The following PFKM variants were observed in gnomAD, a reference collection of about 807,000 sequenced individuals.
The protein encoded by PFKM is ATP-dependent 6-phosphofructokinase, muscle type.
A neutral mutation model predicts 95.5 loss-of-function variants in PFKM; 58 were observed. That is an observed-to-expected ratio of 0.61 (90% CI 0.49 to 0.76). PFKM has a LOEUF of 0.76. Among genes scored for constraint, PFKM ranks in the 30% least tolerant of loss-of-function variants. The pLI is 0.00. For missense variants in PFKM, 678 were observed against 1,005.4 expected (o/e 0.67, Z 4.40); for synonymous variants, 336 against 357.2 (o/e 0.94, Z 0.67).
intron 2 of PFKM, among the ~76,000 whole-genome samples, chr12:48,128,157 G>C (rs1455457890): frequency 1.3e-5 from 2 of 152,148 alleles, no homozygotes; most frequent in Non-Finnish European, 2.9e-5. Context: ...AAAGGAAATT[G>C]TCCTTTAGGT....
In PFKM at chr12:48,119,403, A is replaced by G; in HGVS notation, c.-12A>G. Reference sequence around the variant, plus strand: ...CAGCGGCGGAGGAGAGCTAAGACTAAAAGGCAAGAGGGGCCATTGAGTGAA... The same window carrying G: ...CAGCGGCGGAGGAGAGCTAAGACTAGAAGGCAAGAGGGGCCATTGAGTGAA... On this transcript the variant is annotated 5_prime_UTR_variant, in exon 1 of 23. Transcript: ENST00000359794. 5.1e-6 allele frequency: 5 copies of G among 986,012 alleles called. No homozygotes were observed. The highest frequency in any genetic ancestry group is 6.0e-6 in the Non-Finnish European group (5 of 830,274). The allele number at this position is 986,012 out of a possible 1,614,324, so 61.1% of individuals were successfully genotyped here.
chr12:48,114,093 C>A (rs574557314), intron 3 of PFKM, among the ~76,000 whole-genome samples: 1 of 152,118 alleles, frequency 6.6e-6, no homozygotes, highest in African/African-American at 2.4e-5. Flanking sequence ...CATTGGGGAT[C>A]GCCTCAGGGA....
In PFKM at chr12:48,144,161, G is replaced by T. The variant is rs1162704590; in HGVS notation, c.1992+4G>T. 2 of 1,582,460 alleles carry T rather than the reference G, an allele frequency of 1.3e-6. No individual in the cohort carries two copies. The highest frequency in any genetic ancestry group is 1.7e-5 in the Admixed American group (1 of 60,000). The stretch of plus-strand genomic sequence containing the variant: ...TGTGCTTGGTCACATGCAGCAGGTA[G>T]GGAAGACACCGTAGTCATGCCCTTC... On this transcript the variant is annotated splice_donor_region_variant and intron_variant, in intron 20 of 22. Transcript: ENST00000359794.
Position 48,132,913 on chromosome 12 carries a change from C to T in PFKM, c.283C>T (p.Arg95Ter), listed in dbSNP as rs121918195. 10 of 1,614,076 alleles carry T rather than the reference C, an allele frequency of 6.2e-6. No homozygotes were observed. Among genetic ancestry groups the T allele is most frequent in the East Asian group, 4.5e-5 (2 of 44,864 alleles). Residue 95 changes from arginine (R) to a stop codon, truncating the protein, a stop_gained, in exon 5 of 23, where the codon CGA becomes TGA. Transcript: ENST00000359794. LOFTEE classifies it high-confidence loss of function. The part of the protein sequence containing the change: ...GSARCKDFRE[R>*]EGRLRAAYNL... ...TGCCCGGTGCAAGGACTTTCGGGAA[C>T]GAGAAGGACGACTCCGAGCTGCCTA...
rs1951002797 is a variant in PFKM, at chr12:48,145,820, CTG to C, written c.*114_*115del. ...TTTTTTCATTAGGTTTCCTTTTATT[CTG>C]TACCTTGCAGCCATGACCAGTTCTG... On this transcript the variant is annotated 3_prime_UTR_variant, in exon 23 of 23. Coordinates refer to ENST00000359794, the MANE Select transcript of PFKM (RefSeq NM_000289.6). The surrounding 1 kb of genome is among the most constrained non-coding windows in gnomAD (Gnocchi z 4.3). 8.1e-7 allele frequency: 1 copy of C among 1,235,678 alleles called. No individual in the cohort carries two copies. The highest frequency in any genetic ancestry group is 1.5e-5 in the African/African-American group (1 of 68,064). 76.5% of individuals were successfully genotyped at this position (1,235,678 alleles called of 1,614,324 possible).
chr12:48,139,499 T>G, intron 12 of PFKM, 150 bp downstream of exon 12: 1 of 706,056 alleles, frequency 1.4e-6, no homozygotes, highest in East Asian at 2.7e-5. Flanking sequence ...GAAAATTAGT[T>G]GTGAGGTGAC....
chr12:48,107,461 C>T (rs1476790943), intron 2 of PFKM: 1 of 1,563,972 alleles, frequency 6.4e-7, no homozygotes, highest in South Asian at 1.1e-5. Context: ...AACAGGTACC[C>T]TTGTCTCCTG....
chr12:48,133,491 T>A lies in PFKM; in HGVS notation c.593+11T>A, dbSNP rs752287366. ...TACCACTGCCCAGAGGTAAGGGGACTTGGGAGGTAGGCAGTGTAAGAAGAT... is the reference window on the plus strand; with the variant it reads ...TACCACTGCCCAGAGGTAAGGGGACATGGGAGGTAGGCAGTGTAAGAAGAT... On this transcript the variant is annotated intron_variant, in intron 6 of 22. Transcript: ENST00000359794. The A allele has an allele frequency of 3.1e-6, 5 of 1,612,988 alleles. No homozygotes were observed. The highest frequency in any genetic ancestry group is 4.2e-6 in the Non-Finnish European group (5 of 1,178,980).
intron 3 of PFKM, among the ~76,000 whole-genome samples, chr12:48,131,075 A>G (rs1414174772): frequency 1.3e-5 from 2 of 152,214 alleles, no homozygotes; most frequent in African/African-American, 4.8e-5. Context: ...AAGATTAACT[A>G]TTAGGAAGGA....
intron 6 of PFKM, among the ~76,000 whole-genome samples, chr12:48,133,813 G>A (rs1949774489): frequency 6.6e-6 from 1 of 152,162 alleles, no homozygotes; most frequent in African/African-American, 2.4e-5. Context: ...CCATATCATA[G>A]AAAGTATAGG....
Position 48,141,927 on chromosome 12 carries a change from G to T in PFKM, c.1514G>T (p.Gly505Val), listed in dbSNP as rs774891977. 6.2e-7 allele frequency: 1 copy of T among 1,614,036 alleles called. No individual in the cohort carries two copies. Among genetic ancestry groups the T allele is most frequent in the East Asian group, 2.2e-5 (1 of 44,868 alleles). The change falls in exon 17 of 23, where the codon GGC (glycine) becomes GTC (valine). Residue 505 changes from glycine (G) to valine (V), a missense_variant. Transcript: ENST00000359794. Reference sequence around the variant, plus strand: ...TCTTCTTCTTAGGCTTACACAGGGGGCCTGGAACTGATGGAGGGCAGGAAG... The same window carrying T: ...TCTTCTTCTTAGGCTTACACAGGGGTCCTGGAACTGATGGAGGGCAGGAAG... ...IIGGFEAYTG[G>V]LELMEGRKQF...
At chr12:48,121,596 G>T (rs1214927239) in intron 1 of PFKM, among the ~76,000 whole-genome samples, 1 of 152,176 alleles carries the variant, frequency 6.6e-6, no homozygotes, top group Non-Finnish European at 1.5e-5. Flanking sequence ...AGCACAAGCT[G>T]CCCGTAAAAC....
At chr12:48,109,540 C>G (rs1947009163) in intron 3 of PFKM, among the ~76,000 whole-genome samples, 1 of 152,088 alleles carries the variant, frequency 6.6e-6, no homozygotes. Flanking sequence ...ATCTTTCCTG[C>G]TTTTTTCATT....
intron 2 of PFKM, among the ~76,000 whole-genome samples, chr12:48,129,652 G>T (rs777768594): frequency 6.6e-6 from 1 of 152,216 alleles, no homozygotes; most frequent in Non-Finnish European, 1.5e-5. Flanking sequence ...GGGGGTGTGT[G>T]TGTGTAGACT....
chr12:48,142,295 A>G (rs1159706917), intron 17 of PFKM: 1 of 566,664 alleles, frequency 1.8e-6, no homozygotes, highest in African/African-American at 1.9e-5. Context: ...CAACATGGTG[A>G]AACCCCATCT....
At chr12:48,105,827 C>A (rs1946511814), upstream of PFKM, 14 of 596,226 alleles carry the variant, frequency 2.3e-5, no homozygotes, top group Middle Eastern at 8.8e-4. Context: ...TAACGGCCAC[C>A]GGCGGCCACA....
In PFKM at chr12:48,140,810, T is replaced by G; in HGVS notation, c.1280T>G (p.Leu427Arg). The change falls in exon 14 of 23, where the codon CTT becomes CGT. Residue 427 changes from leucine to arginine, a missense_variant. By Grantham distance (102) the Leu-to-Arg change is moderately radical (BLOSUM62 -2). Transcript: ENST00000359794. The part of the protein sequence containing the change: ...AAVRSTVRIG[L>R]IQGNRVLVVH... The stretch of plus-strand genomic sequence containing the variant: ...GTTCGCTCCACTGTGAGGATTGGCC[T>G]TATCCAGGGCAACCGAGTGCTCGTT... 1 of 1,614,190 alleles carries G rather than the reference T, an allele frequency of 6.2e-7. No individual in the cohort carries two copies. The highest frequency in any genetic ancestry group is 8.5e-7 in the Non-Finnish European group (1 of 1,180,014).
At position 48,123,811 on chromosome 12, in the gene PFKM, G is replaced by A. The variant is rs1201296976; in HGVS notation, c.85+952G>A. Among the ~76,000 whole-genome samples the A allele has an allele frequency of 2.0e-5, 3 of 152,020 alleles. No individual in the cohort carries two copies. The East Asian group carries it at 5.8e-4, about 29-fold the overall frequency. ...TGAGGAAACTAGAATTCTTACATAA[G>A]GCACATAAATAAAAATAAGCAAGTG... On this transcript the variant is annotated intron_variant, in intron 2 of 22. Transcript: ENST00000359794.
chr12:48,141,466 C>CA, intron 15 of PFKM, 85 bp downstream of exon 15: 2 of 1,192,998 alleles, frequency 1.7e-6, no homozygotes, highest in Non-Finnish European at 2.5e-6. Context: ...TGGTCTGCTT[C>CA]AACCACCCTG....
Sources: gnomAD v4.1 joint callset for allele counts (sites outside exome capture counted in the v4.1 genomes callset) on GRCh38, gnomAD v4.1.1 for gene constraint, Gnocchi (gnomAD v3.1) non-coding constraint, MANE v1.5 for transcripts, NCBI Gene and HGNC (gene_info 2026-07-23, HGNC 2026-07-21) for gene names.